The following DGKB variants were observed in gnomAD, a reference collection of about 807,000 sequenced individuals.
DGKB encodes 90 kDa diacylglycerol kinase.
In DGKB, 67 loss-of-function variants were observed where a neutral mutation model predicts 114.3. The observed-to-expected ratio is 0.59, with a 90% CI of 0.48 to 0.72. The LOEUF (loss-of-function observed/expected upper bound fraction) is 0.72, where lower values mean the gene tolerates loss of function less well. Ranked by LOEUF, DGKB falls within the 30% of genes least tolerant of loss-of-function variation. The pLI is 0.00. For synonymous variants in DGKB, 398 were observed against 323.1 expected (o/e 1.23, Z -2.49); for missense variants, 907 against 975.2 (o/e 0.93, Z 0.93).
intron 23 of DGKB, among the ~76,000 whole-genome samples, chr7:14,251,648 A>G (rs1795255808): frequency 6.6e-6 from 1 of 152,064 alleles, no homozygotes; most frequent in Admixed American, 6.6e-5. Context: ...TTTTGTTTCA[A>G]CTTAAGAACT....
At chr7:14,429,716 T>C (rs568352391) in intron 21 of DGKB, among the ~76,000 whole-genome samples, 1 of 151,584 alleles carries the variant, frequency 6.6e-6, no homozygotes, top group Admixed American at 6.6e-5. Context: ...AGGTCAGGAG[T>C]TCAAGACCAG....
chr7:14,524,491 C>A (rs945660817), intron 20 of DGKB, among the ~76,000 whole-genome samples: 5 of 152,222 alleles, frequency 3.3e-5, no homozygotes, highest in African/African-American at 1.2e-4. Flanking sequence ...CGCAGTGGCT[C>A]ATGCCTGTAA....
At chr7:14,729,669 G>A (rs1380880944) in intron 5 of DGKB, among the ~76,000 whole-genome samples, 2 of 152,032 alleles carry the variant, frequency 1.3e-5, no homozygotes, top group African/African-American at 4.8e-5. Flanking sequence ...CTCCTGCAAC[G>A]GTTCACCTCC....
intron 2 of DGKB, among the ~76,000 whole-genome samples, chr7:14,817,361 G>C (rs1281811217): frequency 6.6e-6 from 1 of 152,076 alleles, no homozygotes; most frequent in Non-Finnish European, 1.5e-5. Flanking sequence ...AAGTGTCTAG[G>C]CTCAAAATTT....
intron 21 of DGKB, among the ~76,000 whole-genome samples, chr7:14,403,700 G>A (rs917724501): frequency 2.6e-5 from 4 of 152,000 alleles, no homozygotes; most frequent in South Asian, 4.1e-4. Flanking sequence ...TAAAAACCTC[G>A]GAAACTATTT....
chr7:14,901,725 A>C (rs1389459433), intron 1 of DGKB, among the ~76,000 whole-genome samples: 3 of 151,794 alleles, frequency 2.0e-5, no homozygotes. Context: ...TCTAGAAAAG[A>C]CCTTCAGTAT....
intron 23 of DGKB, among the ~76,000 whole-genome samples, chr7:14,187,562 C>G (rs376465132): frequency 3.9e-5 from 6 of 152,310 alleles, no homozygotes; most frequent in Admixed American, 3.3e-4. Context: ...CCATCACAAA[C>G]GCCTGCAGCC....
At chr7:14,650,917 G>GAA (rs1186004736) in intron 13 of DGKB, among the ~76,000 whole-genome samples, 1 of 151,988 alleles carries the variant, frequency 6.6e-6, no homozygotes, top group Non-Finnish European at 1.5e-5. Context: ...TAAACTCCTC[G>GAA]ACACATACAC....
At chr7:14,255,161 C>A (rs925465464) in intron 23 of DGKB, among the ~76,000 whole-genome samples, 1 of 152,080 alleles carries the variant, frequency 6.6e-6, no homozygotes, top group Non-Finnish European at 1.5e-5. Context: ...TTCTCCATTG[C>A]CTGGGTAAGA....
intron 1 of DGKB, among the ~76,000 whole-genome samples, chr7:14,915,179 A>T (rs1220556043): frequency 6.6e-6 from 1 of 152,076 alleles, no homozygotes; most frequent in East Asian, 1.9e-4. Context: ...CCAGCCTGGG[A>T]AATACAGCAA....
intron 4 of DGKB, among the ~76,000 whole-genome samples, chr7:14,745,041 T>C (rs924027789): frequency 5.9e-5 from 9 of 152,052 alleles, no homozygotes; most frequent in Admixed American, 5.2e-4. Flanking sequence ...TCTGGGAAAA[T>C]AAGACCAAAG....
At chr7:14,721,161 C>T (rs1016888559) in intron 5 of DGKB, among the ~76,000 whole-genome samples, 2 of 152,140 alleles carry the variant, frequency 1.3e-5, no homozygotes, top group African/African-American at 4.8e-5. Context: ...AAAGAATATG[C>T]TCTGACATTT....
At chr7:14,704,238 A>G (rs909647667) in intron 6 of DGKB, among the ~76,000 whole-genome samples, 1 of 149,916 alleles carries the variant, frequency 6.7e-6, no homozygotes, top group African/African-American at 2.5e-5. Flanking sequence ...GATCGAGACC[A>G]TCCTGTCTAA....
intron 23 of DGKB, among the ~76,000 whole-genome samples, chr7:14,279,051 A>G (rs1161702666): frequency 6.6e-6 from 1 of 152,174 alleles, no homozygotes; most frequent in East Asian, 1.9e-4. Context: ...AAGCAGGGCG[A>G]GGCATTGCCT....
At chr7:14,455,217 A>G (rs1431520) in intron 21 of DGKB, among the ~76,000 whole-genome samples, 60,876 of 151,784 alleles carry the variant, frequency 0.4, 12,465 homozygotes, top group Admixed American at 0.49. Context: ...TTCAATATGA[A>G]TTTTATTACT....
intron 1 of DGKB, among the ~76,000 whole-genome samples, chr7:14,849,786 G>A (rs1443065496): frequency 6.6e-6 from 1 of 152,082 alleles, no homozygotes; most frequent in Non-Finnish European, 1.5e-5. Flanking sequence ...AGAGGACACA[G>A]ACCACCACTG....
Position 14,344,497 on chromosome 7 carries a change from T to C in DGKB, c.1926+804A>G, listed in dbSNP as rs139260889. ...TATCAGTAGCAAATTTTTGCATTTA[T>C]TTTTAAAATGAAAAGTGTTGAAGCC... On this transcript the variant is annotated intron_variant, in intron 22 of 25. Coordinates refer to ENST00000402815, the MANE Select transcript of DGKB (RefSeq NM_001350709.2). 1.9e-3 allele frequency among the ~76,000 whole-genome samples: 293 copies of C among 151,848 alleles called. 1 individual carries two copies. Among genetic ancestry groups the C allele is most frequent in the African/African-American group, 6.8e-3 (282 of 41,526 alleles).
chr7:14,608,588 A>C (rs1162259543), intron 16 of DGKB, among the ~76,000 whole-genome samples: 2 of 152,044 alleles, frequency 1.3e-5, no homozygotes, highest in Non-Finnish European at 2.9e-5. Flanking sequence ...TAATCAGAGC[A>C]ATTAGACAAG....
At chr7:14,933,679 G>A (rs946832304) in intron 1 of DGKB, among the ~76,000 whole-genome samples, 1 of 152,006 alleles carries the variant, frequency 6.6e-6, no homozygotes, top group Non-Finnish European at 1.5e-5. Context: ...AAGCAACTAA[G>A]GTCTTATTAA....
Sources: gnomAD v4.1 joint callset for allele counts (sites outside exome capture counted in the v4.1 genomes callset) on GRCh38, gnomAD v4.1.1 for gene constraint, MANE v1.5 for transcripts, NCBI Gene and HGNC (gene_info 2026-07-23, HGNC 2026-07-21) for gene names.